The following CDHR2 variants were observed in gnomAD, a reference collection of about 807,000 sequenced individuals.
CDHR2 encodes cadherin-related family member 2.
A neutral mutation model predicts 138.6 loss-of-function variants in CDHR2; 104 were observed. The ratio of observed to expected loss-of-function variants is 0.75; its 90% confidence interval spans 0.64 to 0.88. The LOEUF (loss-of-function observed/expected upper bound fraction) is 0.88. Ranked by LOEUF, CDHR2 falls within the 40% of genes least tolerant of loss-of-function variation. CDHR2 has a pLI of 0.00. For missense variants in CDHR2, 1,624 were observed against 1,727.6 expected (o/e 0.94, Z 1.06); for synonymous variants, 755 against 742.8 (o/e 1.02, Z -0.27).
intron 1 of CDHR2, among the ~76,000 whole-genome samples, chr5:176,557,799 C>T (rs780137494): frequency 4.6e-5 from 7 of 151,424 alleles, no homozygotes; most frequent in Non-Finnish European, 8.8e-5. Flanking sequence ...CATCTGCCTT[C>T]CAGGTTCAAG....
rs144498347 is a variant in CDHR2, at chr5:176,588,770, G to A, written c.2857-261G>A. On this transcript the variant is annotated intron_variant, in intron 21 of 31. Transcript: ENST00000261944. ...CAGTGGAGGGGTGTAGGGGGAGCAG[G>A]GCAGGATTTCCACATGTGAGGGACT... Among the ~76,000 whole-genome samples the A allele has an allele frequency of 5.4e-4, 82 of 152,070 alleles. No homozygotes were observed. The East Asian group carries it at 0.015, about 28-fold the overall frequency.
At chr5:176,579,864 C>A (rs1166165200) in intron 16 of CDHR2, among the ~76,000 whole-genome samples, 2 of 152,134 alleles carry the variant, frequency 1.3e-5, no homozygotes, top group South Asian at 2.1e-4. Context: ...TTCCTGCCCC[C>A]CAGGCGGCTC....
chr5:176,589,204 A>G (rs781241463), intron 22 of CDHR2, 22 bp downstream of exon 22: 23 of 1,613,444 alleles, frequency 1.4e-5, no homozygotes, highest in Non-Finnish European at 1.9e-5. Context: ...CGGCCCCGGG[A>G]GGGAGGTTGC....
intron 5 of CDHR2, among the ~76,000 whole-genome samples, chr5:176,570,051 T>G (rs967058629): frequency 1.3e-5 from 2 of 152,214 alleles, no homozygotes; most frequent in Non-Finnish European, 2.9e-5. Flanking sequence ...ACTGTATGCT[T>G]TGACACTTCT....
At position 176,574,147 on chromosome 5, in the gene CDHR2, G is replaced by T. The variant is rs1211623611; in HGVS notation, c.470G>T (p.Gly157Val). The T allele has an allele frequency of 6.2e-7, 1 of 1,613,918 alleles. No homozygotes were observed. The highest frequency in any genetic ancestry group is 8.5e-7 in the Non-Finnish European group (1 of 1,179,844). Residue 157 changes from glycine (G) to valine (V), a missense_variant, in exon 7 of 32, where the codon GGC becomes GTC. Around this residue, in one of 3 missense-constraint regions of CDHR2, gnomAD observed 1,061 missense variants for 1,136.6 expected, o/e 0.93. Coordinates refer to ENST00000261944, the MANE Select transcript of CDHR2 (RefSeq NM_017675.6). The stretch of plus-strand genomic sequence containing the variant: ...GTGGATAAAGACATGGGGTCTGCAG[G>T]CATGGTCGTGTACTCCATAGAGAAG... ...LAVDKDMGSA[G>V]MVVYSIEKVI...
At position 176,590,106 on chromosome 5, in the gene CDHR2, G is replaced by C. The variant is rs1373340129; in HGVS notation, c.3235G>C (p.Val1079Leu). 1 of 1,613,740 alleles carries C rather than the reference G, an allele frequency of 6.2e-7. No homozygotes were observed. Among genetic ancestry groups the C allele is most frequent in the African/African-American group, 1.3e-5 (1 of 74,920 alleles). ...TCTTACCCAGGCAACCAGGACTACA[G>C]TATACATTGTGGACATTCAGGACAT... ...AALTQATRTT[V>L]YIVDIQDIDS... The change falls in exon 25 of 32, where the codon GTA becomes CTA. Residue 1079 changes from valine to leucine, a missense_variant. This residue lies in a region of CDHR2 where 556 missense variants were observed against 565.7 expected (regional missense o/e 0.98). Coordinates refer to ENST00000261944, the MANE Select transcript of CDHR2 (RefSeq NM_017675.6).
intron 19 of CDHR2, among the ~76,000 whole-genome samples, 161 bp from the exon 20 acceptor site, chr5:176,585,793 G>A (rs533715884): frequency 3.2e-4 from 49 of 151,950 alleles, no homozygotes; most frequent in African/African-American, 1.1e-3. Context: ...TTGAGGCTGC[G>A]GGGCACGGGG....
chr5:176,587,171 G>A (rs1758689458), intron 21 of CDHR2, among the ~76,000 whole-genome samples: 1 of 152,198 alleles, frequency 6.6e-6, no homozygotes, highest in African/African-American at 2.4e-5. Context: ...GAGCCAGCTG[G>A]GCACGGTGGC....
intron 3 of CDHR2, among the ~76,000 whole-genome samples, chr5:176,567,504 A>G (rs548725548): frequency 2.9e-4 from 42 of 142,378 alleles, no homozygotes; most frequent in African/African-American, 1.1e-3. Flanking sequence ...ATATTTATTT[A>G]TTTTTGAGAT....
chr5:176,577,544 T>C lies in CDHR2; in HGVS notation c.1340T>C (p.Met447Thr), dbSNP rs1249696211. ...GTGGACTACGAGAGGCAGACGGCGA[T>C]GGCGGTGCAGGTGAGGGCTGCTCCG... ...ALVDYERQTA[M>T]AVQVVATDSV... The change falls in exon 13 of 32, where the codon ATG becomes ACG. Residue 447 changes from methionine to threonine, a missense_variant. Met to Thr is a moderately conservative substitution (Grantham distance 81). This residue lies in a region of CDHR2 where 1,061 missense variants were observed against 1,136.6 expected (regional missense o/e 0.93). Transcript: ENST00000261944. 3.7e-6 allele frequency: 6 copies of C among 1,613,534 alleles called. No homozygotes were observed. Among genetic ancestry groups the C allele is most frequent in the Non-Finnish European group, 5.1e-6 (6 of 1,179,828 alleles).
At chr5:176,590,782 A>G in intron 28 of CDHR2, 95 bp downstream of exon 28, 1 of 1,534,204 alleles carries the variant, frequency 6.5e-7, no homozygotes, top group Non-Finnish European at 8.9e-7. Flanking sequence ...GGGCTTAGGC[A>G]CAGGTATACA....
chr5:176,591,550 G>T (rs1265470752), intron 30 of CDHR2, 66 bp downstream of exon 30: 1 of 1,173,532 alleles, frequency 8.5e-7, no homozygotes, highest in Non-Finnish European at 1.3e-6. Context: ...GGTGGTGGTG[G>T]TGATGGTGTT....
Position 176,578,636 on chromosome 5 carries a change from A to G in CDHR2, c.1818+28A>G, listed in dbSNP as rs150387287. On this transcript the variant is annotated intron_variant, in intron 16 of 31. Coordinates refer to ENST00000261944, the MANE Select transcript of CDHR2 (RefSeq NM_017675.6). ...GTGAGCCTGCCTGGACCTGGTGGGT[A>G]AGGCTGGGGGAGGGGACCAAGCCTG... The G allele has an allele frequency of 2.4e-3, 3,916 of 1,603,736 alleles. 81 individuals carry two copies. In the African/African-American group the frequency reaches 0.043, roughly 18 times the overall value.
At chr5:176,577,950 C>G (rs1266890036) in intron 14 of CDHR2, 84 bp from the exon 15 acceptor site, 1 of 1,512,150 alleles carries the variant, frequency 6.6e-7, no homozygotes, top group Non-Finnish European at 9.1e-7. Flanking sequence ...TGAGGAAGCA[C>G]GACAGCTCTG....
Position 176,584,604 on chromosome 5 carries a change from A to G in CDHR2, c.2323A>G (p.Asn775Asp). ...SLDYETQPVF[N>D]LTVSAENPDP... ...GGATTACGAGACACAGCCCGTCTTCAACTTGACAGTGAGTGCTGAGAACCC... is the reference window on the plus strand; with the variant it reads ...GGATTACGAGACACAGCCCGTCTTCGACTTGACAGTGAGTGCTGAGAACCC... The change falls in exon 19 of 32, where the codon AAC becomes GAC. Residue 775 changes from asparagine to aspartate, a missense_variant. Physicochemically the swap from Asn to Asp is conservative, Grantham distance 23. Transcript: ENST00000261944. The G allele has an allele frequency of 6.2e-7, 1 of 1,607,042 alleles. No individual in the cohort carries two copies. The highest frequency in any genetic ancestry group is 1.1e-5 in the South Asian group (1 of 90,546).
intron 15 of CDHR2, 107 bp downstream of exon 15, chr5:176,578,202 T>A: frequency 7.9e-7 from 1 of 1,265,540 alleles, no homozygotes; most frequent in Non-Finnish European, 1.1e-6. Context: ...AGGCACTCAG[T>A]TACATTTCAA....
intron 1 of CDHR2, among the ~76,000 whole-genome samples, chr5:176,542,949 G>A (rs2113231412): frequency 6.6e-6 from 1 of 151,998 alleles, no homozygotes; most frequent in East Asian, 1.9e-4. Flanking sequence ...CCGGACGCCT[G>A]GGTCCCAGCC....
At chr5:176,577,861 TGAGA>T in intron 14 of CDHR2, 63 bp downstream of exon 14, 1 of 1,469,584 alleles carries the variant, frequency 6.8e-7, no homozygotes. Flanking sequence ...TGTGTGAGTG[TGAGA>T]GTGTGTGTGT....
chr5:176,566,497 G>A (rs1758084194), intron 3 of CDHR2, among the ~76,000 whole-genome samples: 1 of 152,228 alleles, frequency 6.6e-6, no homozygotes, highest in Non-Finnish European at 1.5e-5. Context: ...TAACAGAGAT[G>A]CAAACAAGGC....
Sources: allele counts gnomAD v4.1 joint callset (sites outside exome capture counted in the v4.1 genomes callset), GRCh38; gene constraint gnomAD v4.1.1; regional missense constraint gnomAD v4.1.1; transcripts MANE v1.5; gene names NCBI Gene and HGNC (gene_info 2026-07-23, HGNC 2026-07-21).